The following KCNQ1OT1 variants were observed in gnomAD, a reference collection of about 807,000 sequenced individuals.
KCNQ1OT1 encodes the protein KCNQ1 antisense RNA 2 (non-protein coding).
exon 1 of KCNQ1OT1, chr11:2,675,910 A>G (rs1327539822): frequency 2.5e-6 from 1 of 398,700 alleles, no homozygotes; most frequent in African/African-American, 2.0e-5. Context: ...TTGTGCTACA[A>G]AAATCATACA....
chr11:2,639,346 T>G (rs894802198), exon 1 of KCNQ1OT1: 3 of 152,244 alleles, frequency 2.0e-5, no homozygotes, highest in African/African-American at 7.2e-5. Flanking sequence ...TGTGGTTTTA[T>G]CTACCTTTGG....
At chr11:2,689,224 T>G (rs1850547922) in exon 1 of KCNQ1OT1, 2 of 398,660 alleles carry the variant, frequency 5.0e-6, no homozygotes, top group African/African-American at 4.1e-5. Context: ...TGCAGTGGTT[T>G]AGGCCAAGCT....
At chr11:2,634,183 A>G (rs1159486486) in exon 1 of KCNQ1OT1, 4 of 323,518 alleles carry the variant, frequency 1.2e-5, no homozygotes, top group African/African-American at 3.6e-5. Context: ...CCTTTTTTTT[A>G]TTATACTTTA....
At chr11:2,619,983 T>C (rs1849138786) in exon 1 of KCNQ1OT1, 1 of 398,146 alleles carries the variant, frequency 2.5e-6, no homozygotes. Context: ...GTGAGCATAG[T>C]ACCCAATAGG....
At chr11:2,650,142 C>A (rs967373338) in exon 1 of KCNQ1OT1, 2 of 398,038 alleles carry the variant, frequency 5.0e-6, no homozygotes, top group Non-Finnish European at 8.9e-6. Context: ...TTGTTTGGTT[C>A]TTTTTCATAT....
At chr11:2,640,621 A>C (rs1849558859) in exon 1 of KCNQ1OT1, 2 of 396,862 alleles carry the variant, frequency 5.0e-6, no homozygotes, top group Non-Finnish European at 4.4e-6. Context: ...CTATTGTTAC[A>C]TGCATCGAAT....
exon 1 of KCNQ1OT1, chr11:2,616,209 T>G: frequency 2.5e-6 from 1 of 397,626 alleles, no homozygotes; most frequent in Non-Finnish European, 4.4e-6. Flanking sequence ...CTTTTGTTTT[T>G]TTTTCTTATT....
Position 2,627,560 on chromosome 11 carries a change from T to G in KCNQ1OT1, n.72435A>C. The G allele has an allele frequency of 2.5e-6, 1 of 398,614 alleles. No homozygotes were observed. Among genetic ancestry groups the G allele is most frequent in the East Asian group, 3.6e-5 (1 of 28,072 alleles). The allele number at this position is 398,614 out of a possible 1,614,324, so 24.7% of individuals were successfully genotyped here. ...ACTGGGATAGTGCAGTATTTGTCTT[T>G]CTGTGTCTGGCTATTTCACTTAGCA... On this transcript the variant is annotated non_coding_transcript_exon_variant, in exon 1 of 1. Coordinates refer to ENST00000597346, the Ensembl canonical transcript of KCNQ1OT1. The surrounding 1 kb of genome is among the most constrained non-coding windows in gnomAD (Gnocchi z 4.9).
At position 2,669,602 on chromosome 11, in the gene KCNQ1OT1, G is replaced by A. The variant is rs1343844397; in HGVS notation, n.30393C>T. 2.5e-6 allele frequency: 1 copy of A among 398,528 alleles called. No homozygotes were observed. The highest frequency in any genetic ancestry group is 4.4e-6 in the Non-Finnish European group (1 of 226,086). 24.7% of individuals were successfully genotyped at this position (398,528 alleles called of 1,614,324 possible). On this transcript the variant is annotated non_coding_transcript_exon_variant, in exon 1 of 1. Coordinates refer to ENST00000597346, the Ensembl canonical transcript of KCNQ1OT1. The surrounding 1 kb of genome is among the most constrained non-coding windows in gnomAD (Gnocchi z 5.6). ...TTCATCCTGCCCACAGGACACTGGG[G>A]CAGTCACCTAATCTCTATCAGCCTC...
chr11:2,699,053 C>G, exon 1 of KCNQ1OT1: 2 of 398,644 alleles, frequency 5.0e-6, no homozygotes, highest in Non-Finnish European at 8.8e-6. Context: ...CCAATTCGGG[C>G]TTTGACTCAA....
exon 1 of KCNQ1OT1, chr11:2,632,883 A>G: frequency 2.5e-6 from 1 of 398,458 alleles, no homozygotes; most frequent in Admixed American, 4.4e-5. Flanking sequence ...TAAACATGAG[A>G]ATGCAAATAT....
chr11:2,619,368 G>T (rs762221719), exon 1 of KCNQ1OT1: 8 of 398,390 alleles, frequency 2.0e-5, no homozygotes, highest in Non-Finnish European at 3.1e-5. Context: ...TGAACTGTTA[G>T]AATTTATCAA....
At position 2,670,998 on chromosome 11, in the gene KCNQ1OT1, T is replaced by G. The variant is rs781257264; in HGVS notation, n.28997A>C. On this transcript the variant is annotated non_coding_transcript_exon_variant, in exon 1 of 1. Coordinates refer to ENST00000597346, the Ensembl canonical transcript of KCNQ1OT1. The surrounding 1 kb of genome is among the most constrained non-coding windows in gnomAD (Gnocchi z 4.9). The stretch of plus-strand genomic sequence containing the variant: ...TGGCTAGGCATTCATGCTTTAGATA[T>G]GTGGGCCCTGTTAGGGACAACGTAG... 2.3e-5 allele frequency: 9 copies of G among 398,466 alleles called. No individual in the cohort carries two copies. The highest frequency in any genetic ancestry group is 4.0e-5 in the Non-Finnish European group (9 of 226,066). 24.7% of individuals were successfully genotyped at this position (398,466 alleles called of 1,614,324 possible).
chr11:2,670,720 G>A lies in KCNQ1OT1; in HGVS notation n.29275C>T, dbSNP rs1850168426. ...GGATTCTGTGGCCCATGGAGCAGGA[G>A]GGAACAGTCTGCAGATATTATCTGG... On this transcript the variant is annotated non_coding_transcript_exon_variant, in exon 1 of 1. Coordinates refer to ENST00000597346, the Ensembl canonical transcript of KCNQ1OT1. This position sits in a 1 kb window ranked among gnomAD's most constrained non-coding sequence, Gnocchi z 4.9. 2.5e-6 allele frequency: 1 copy of A among 398,526 alleles called. No individual in the cohort carries two copies. Among genetic ancestry groups the A allele is most frequent in the African/African-American group, 2.1e-5 (1 of 48,598 alleles). The allele number at this position is 398,526 out of a possible 1,614,324, so 24.7% of individuals were successfully genotyped here.
At position 2,670,553 on chromosome 11, in the gene KCNQ1OT1, C is replaced by A. The variant is rs564484977; in HGVS notation, n.29442G>T. 131 of 397,952 alleles carry A rather than the reference C, an allele frequency of 3.3e-4. No homozygotes were observed. Among genetic ancestry groups the A allele is most frequent in the Middle Eastern group, 2.5e-3 (4 of 1,588 alleles). The allele number at this position is 397,952 out of a possible 1,614,324, so 24.7% of individuals were successfully genotyped here. ...AAGCCTCAAGAAGGATAGGGACTTG[C>A]CAGTATCACTGGGAGATAGGAGCAG... On this transcript the variant is annotated non_coding_transcript_exon_variant, in exon 1 of 1. Transcript: ENST00000597346. This position sits in a 1 kb window ranked among gnomAD's most constrained non-coding sequence, Gnocchi z 4.9.
rs1850191355 is a variant in KCNQ1OT1, at chr11:2,671,980, A to G, written n.28015T>C. ...AGAGTGGGCTAAAAAGTCAGCTAGC[A>G]CCCCTGACTTCAAGTCCTCGAGTGT... On this transcript the variant is annotated non_coding_transcript_exon_variant, in exon 1 of 1. Transcript: ENST00000597346. The surrounding 1 kb of genome is among the most constrained non-coding windows in gnomAD (Gnocchi z 4.7). The G allele has an allele frequency of 2.5e-6, 1 of 398,076 alleles. No homozygotes were observed. Among genetic ancestry groups the G allele is most frequent in the South Asian group, 1.3e-4 (1 of 7,832 alleles). The allele number at this position is 398,076 out of a possible 1,614,324, so 24.7% of individuals were successfully genotyped here. A position where few individuals can be genotyped will look rare whatever the true frequency, so the allele number is the denominator to read the frequency against.
At chr11:2,632,124 A>C in exon 1 of KCNQ1OT1, 1 of 389,626 alleles carries the variant, frequency 2.6e-6, no homozygotes, top group Non-Finnish European at 4.5e-6. Flanking sequence ...CAGAGCTTGC[A>C]GTGAGCCGAG....
At position 2,678,390 on chromosome 11, in the gene KCNQ1OT1, T is replaced by C. The variant is rs1850329607; in HGVS notation, n.21605A>G. 3 of 398,524 alleles carry C rather than the reference T, an allele frequency of 7.5e-6. No individual in the cohort carries two copies. The highest frequency in any genetic ancestry group is 1.3e-5 in the Non-Finnish European group (3 of 226,068). The allele number at this position is 398,524 out of a possible 1,614,324, so 24.7% of individuals were successfully genotyped here. ...TAATTAAATCCAATTTGGTTTCCCA[T>C]ATATTTGTCCAGTTGTCCAACACTA... On this transcript the variant is annotated non_coding_transcript_exon_variant, in exon 1 of 1. Coordinates refer to ENST00000597346, the Ensembl canonical transcript of KCNQ1OT1. This position sits in a 1 kb window ranked among gnomAD's most constrained non-coding sequence, Gnocchi z 4.9.
Position 2,613,180 on chromosome 11 carries a change from A to G in KCNQ1OT1, n.86815T>C, listed in dbSNP as rs1849009132. On this transcript the variant is annotated non_coding_transcript_exon_variant, in exon 1 of 1. Coordinates refer to ENST00000597346, the Ensembl canonical transcript of KCNQ1OT1. This position sits in a 1 kb window ranked among gnomAD's most constrained non-coding sequence, Gnocchi z 4.8. The stretch of plus-strand genomic sequence containing the variant: ...GGGTTGGGACATTCAAAGTTCAGGC[A>G]CTTTATAACTCTGTCCTGTATTTTA... 2.5e-6 allele frequency: 1 copy of G among 398,428 alleles called. No homozygotes were observed. The highest frequency in any genetic ancestry group is 4.4e-6 in the Non-Finnish European group (1 of 226,056). The allele number at this position is 398,428 out of a possible 1,614,324, so 24.7% of individuals were successfully genotyped here. A position where few individuals can be genotyped will look rare whatever the true frequency, so the allele number is the denominator to read the frequency against.
Sources: gnomAD v4.1 joint callset for allele counts on GRCh38, gnomAD v4.1.1 for gene constraint, Gnocchi (gnomAD v3.1) non-coding constraint, MANE v1.5 for transcripts, NCBI Gene and HGNC (gene_info 2026-07-23, HGNC 2026-07-21) for gene names.